JAZF1: variants seen among roughly 807,000 people sequenced by gnomAD.
JAZF1 encodes JAZF zinc finger 1.
JAZF1 carries 8 observed loss-of-function variants against 26.4 expected under a neutral mutation model. That is an observed-to-expected ratio of 0.30 (90% CI 0.18 to 0.55). The LOEUF (loss-of-function observed/expected upper bound fraction) is 0.55. Ranked by LOEUF, JAZF1 falls within the 20% of genes least tolerant of loss-of-function variation. The pLI is 0.94. For missense variants in JAZF1, 199 were observed against 322.0 expected, an observed-to-expected ratio of 0.62 and a Z score of 2.92; for synonymous variants, 126 against 122.3, an observed-to-expected ratio of 1.03 and a Z score of -0.20.
chr7:28,142,436 G>A (rs1782971952), intron 1 of JAZF1, among the ~76,000 whole-genome samples: 1 of 152,200 alleles, frequency 6.6e-6, no homozygotes, highest in South Asian at 2.1e-4. Context: ...GCTCGCTGAG[G>A]AGCCTCCACT....
chr7:28,165,916 G>C (rs1783360777), intron 1 of JAZF1, among the ~76,000 whole-genome samples: 1 of 152,138 alleles, frequency 6.6e-6, no homozygotes, highest in Non-Finnish European at 1.5e-5. Flanking sequence ...CCAGCTCCTA[G>C]ACAGTGCCTG....
chr7:28,057,326 T>G (rs1236336985), intron 1 of JAZF1, among the ~76,000 whole-genome samples: 1 of 152,256 alleles, frequency 6.6e-6, no homozygotes, highest in Non-Finnish European at 1.5e-5. Flanking sequence ...TTTTAAACTC[T>G]ACTTTTGTAC....
At chr7:27,899,488 G>T (rs568847845) in intron 2 of JAZF1, among the ~76,000 whole-genome samples, 1 of 152,222 alleles carries the variant, frequency 6.6e-6, no homozygotes, top group South Asian at 2.1e-4. Context: ...AGGCTGGTGT[G>T]CAGTGGTGTG....
chr7:27,847,792 T>G (rs1349226384), intron 3 of JAZF1, among the ~76,000 whole-genome samples: 3 of 151,966 alleles, frequency 2.0e-5, no homozygotes, highest in Admixed American at 2.0e-4. Context: ...CTCAACCTCT[T>G]GAGTAGCTGG....
chr7:28,010,377 C>T (rs1782780341), intron 1 of JAZF1, among the ~76,000 whole-genome samples: 1 of 152,204 alleles, frequency 6.6e-6, no homozygotes, highest in Admixed American at 6.5e-5. Flanking sequence ...ACAGCATCAC[C>T]TCCCCTTCCC....
intron 1 of JAZF1, among the ~76,000 whole-genome samples, chr7:28,090,887 C>T (rs1398787380): frequency 7.2e-6 from 1 of 138,634 alleles, no homozygotes; most frequent in African/African-American, 2.7e-5. Flanking sequence ...ACTGCAGTGG[C>T]GCGATCTCGG....
chr7:28,103,395 TG>T (rs1378187413), intron 1 of JAZF1, among the ~76,000 whole-genome samples: 1 of 152,098 alleles, frequency 6.6e-6, no homozygotes, highest in Admixed American at 6.5e-5. Flanking sequence ...TAGTGTACTA[TG>T]ATCGCGCCTC....
chr7:28,109,806 C>A (rs1399522411), intron 1 of JAZF1, among the ~76,000 whole-genome samples: 2 of 152,196 alleles, frequency 1.3e-5, no homozygotes, highest in Non-Finnish European at 2.9e-5. Context: ...GGGCACTCAC[C>A]TTGCCTCATC....
intron 1 of JAZF1, among the ~76,000 whole-genome samples, chr7:28,003,789 T>C (rs1782650931): frequency 6.6e-6 from 1 of 152,116 alleles, no homozygotes; most frequent in Non-Finnish European, 1.5e-5. Flanking sequence ...ATCTCTCCTA[T>C]CTGCACTGAA....
intron 2 of JAZF1, among the ~76,000 whole-genome samples, chr7:27,980,848 T>C (rs1284278280): frequency 1.3e-5 from 2 of 152,180 alleles, no homozygotes; most frequent in Admixed American, 6.5e-5. Flanking sequence ...TGGCTTCATC[T>C]GAATTTTGAT....
chr7:27,913,693 T>C (rs892456948), intron 2 of JAZF1, among the ~76,000 whole-genome samples: 3 of 152,212 alleles, frequency 2.0e-5, no homozygotes, highest in African/African-American at 4.8e-5. Context: ...AGATGCCTCA[T>C]TTCTCTTGCA....
At chr7:28,069,084 C>T (rs184951209) in intron 1 of JAZF1, among the ~76,000 whole-genome samples, 1 of 152,348 alleles carries the variant, frequency 6.6e-6, no homozygotes, top group Admixed American at 6.5e-5. Context: ...ACAGGAGGAA[C>T]TTACACATCA....
chr7:27,964,624 C>T (rs1011041334), intron 2 of JAZF1, among the ~76,000 whole-genome samples: 2 of 149,186 alleles, frequency 1.3e-5, no homozygotes, highest in African/African-American at 2.5e-5. Flanking sequence ...TACTATTTCC[C>T]TAATAATCAG....
At chr7:28,068,402 C>T (rs1783920002) in intron 1 of JAZF1, among the ~76,000 whole-genome samples, 1 of 152,060 alleles carries the variant, frequency 6.6e-6, no homozygotes, top group Non-Finnish European at 1.5e-5. Flanking sequence ...AATTGCTTCC[C>T]TTAAGTTAAA....
chr7:28,127,942 G>C (rs932652938), intron 1 of JAZF1, among the ~76,000 whole-genome samples: 1 of 151,852 alleles, frequency 6.6e-6, no homozygotes, highest in Non-Finnish European at 1.5e-5. Flanking sequence ...TCTCCCACTG[G>C]GCCCTTCCCA....
chr7:27,874,199 C>T (rs564863327), intron 3 of JAZF1, among the ~76,000 whole-genome samples: 129 of 152,332 alleles, frequency 8.5e-4, no homozygotes, highest in Middle Eastern at 6.8e-3. Context: ...CTCGTGCCAG[C>T]CCTGGCCCTG....
intron 1 of JAZF1, among the ~76,000 whole-genome samples, chr7:28,039,566 C>T (rs1393730367): frequency 2.0e-5 from 3 of 152,190 alleles, no homozygotes; most frequent in African/African-American, 7.2e-5. Context: ...ACACACTACA[C>T]ACATAAATGT....
At chr7:27,927,216 C>T (rs1784614611) in intron 2 of JAZF1, among the ~76,000 whole-genome samples, 1 of 152,200 alleles carries the variant, frequency 6.6e-6, no homozygotes, top group South Asian at 2.1e-4. Flanking sequence ...GCAGTGGCTC[C>T]AGCACTCTCG....
At chr7:27,999,624 T>C (rs917268249) in intron 1 of JAZF1, among the ~76,000 whole-genome samples, 1 of 152,218 alleles carries the variant, frequency 6.6e-6, no homozygotes, top group Non-Finnish European at 1.5e-5. Context: ...CCATATATAT[T>C]TGCAAATATG....
Sources: gnomAD v4.1 joint callset for allele counts (sites outside exome capture counted in the v4.1 genomes callset) on GRCh38, gnomAD v4.1.1 for gene constraint, MANE v1.5 for transcripts, NCBI Gene and HGNC (gene_info 2026-07-23, HGNC 2026-07-21) for gene names.